The following GNA12 variants were observed in gnomAD, a reference collection of about 807,000 sequenced individuals.
The protein encoded by GNA12 is G protein subunit alpha 12.
In GNA12, 9 loss-of-function variants were observed where a neutral mutation model predicts 26.0. The ratio of observed to expected loss-of-function variants is 0.35; its 90% confidence interval spans 0.21 to 0.60. The LOEUF is 0.60. GNA12 is among the 20% of genes least tolerant of loss of function. The pLI is 0.78. For missense variants in GNA12, 405 were observed against 525.8 expected (o/e 0.77, Z 2.25); for synonymous variants, 264 against 219.6 (o/e 1.20, Z -1.79).
chr7:2,821,022 G>A (rs1029691157), intron 1 of GNA12, among the ~76,000 whole-genome samples: 12 of 152,208 alleles, frequency 7.9e-5, no homozygotes. Context: ...TTACAGGCGT[G>A]AGCCACCGCG....
intron 1 of GNA12, among the ~76,000 whole-genome samples, chr7:2,798,708 A>C (rs1055059614): frequency 3.3e-5 from 5 of 152,252 alleles, no homozygotes; most frequent in African/African-American, 1.2e-4. Context: ...CAACTTTGAA[A>C]AAGAAAAGTG....
intron 1 of GNA12, among the ~76,000 whole-genome samples, chr7:2,822,591 G>A (rs887932815): frequency 1.3e-5 from 2 of 152,218 alleles, no homozygotes; most frequent in African/African-American, 4.8e-5. Flanking sequence ...GCCCAGGGCA[G>A]GAGGACTGCT....
At chr7:2,769,562 C>G (rs1404425346) in intron 2 of GNA12, among the ~76,000 whole-genome samples, 1 of 151,926 alleles carries the variant, frequency 6.6e-6, no homozygotes, top group African/African-American at 2.4e-5. Flanking sequence ...AACCCCGTCT[C>G]TATTAAAAAA....
At position 2,733,585 on chromosome 7, in the gene GNA12, G is replaced by A. The variant is rs973717526; in HGVS notation, c.526-84C>T. 29 of 1,060,402 alleles carry A rather than the reference G, an allele frequency of 2.7e-5. No individual in the cohort carries two copies. In the East Asian group the frequency reaches 3.5e-4, roughly 13 times the overall value. The allele number at this position is 1,060,402 out of a possible 1,614,324, so 65.7% of individuals were successfully genotyped here. A position where few individuals can be genotyped will look rare whatever the true frequency, so the allele number is the denominator to read the frequency against. ...AATACAAGAACTGAACAGGGTAAGA[G>A]CAGTGGCATTTCGCCTCCGTGTGAA... On this transcript the variant is annotated intron_variant, in intron 2 of 3. Transcript: ENST00000275364.
intron 1 of GNA12, among the ~76,000 whole-genome samples, chr7:2,839,776 G>A (rs1778937358): frequency 6.6e-6 from 1 of 152,164 alleles, no homozygotes; most frequent in African/African-American, 2.4e-5. Context: ...CGAGGCGGGT[G>A]GATCACGAGG....
rs551131535 is a variant in GNA12 at position 2,733,438 on chromosome 7, C to A, written c.576+13G>T. 6.2e-7 allele frequency: 1 copy of A among 1,612,000 alleles called. No individual in the cohort carries two copies. Among genetic ancestry groups the A allele is most frequent in the Admixed American group, 1.7e-5 (1 of 59,954 alleles). On this transcript the variant is annotated intron_variant, in intron 3 of 3. Transcript: ENST00000275364. Reference sequence around the variant, plus strand: ...CTGGAGCCCAGCTTCTTCGGGCGGGCGTGCTTACTCACCAGCTGGCCGATC... The same window carrying A: ...CTGGAGCCCAGCTTCTTCGGGCGGGAGTGCTTACTCACCAGCTGGCCGATC...
intron 1 of GNA12, among the ~76,000 whole-genome samples, chr7:2,807,377 G>C (rs905118796): frequency 1.3e-5 from 2 of 152,062 alleles, no homozygotes; most frequent in African/African-American, 2.4e-5. Flanking sequence ...CTAGTCTCTT[G>C]TTTCCAGTAA....
intron 2 of GNA12, among the ~76,000 whole-genome samples, chr7:2,767,849 C>G (rs1791845208): frequency 6.6e-6 from 1 of 152,036 alleles, no homozygotes; most frequent in Non-Finnish European, 1.5e-5. Flanking sequence ...CTAATGGAGA[C>G]TATATTTTAT....
intron 1 of GNA12, among the ~76,000 whole-genome samples, chr7:2,841,826 C>CT (rs1778996467): frequency 6.6e-6 from 1 of 152,122 alleles, no homozygotes; most frequent in Non-Finnish European, 1.5e-5. Context: ...TTCTACGGGG[C>CT]TTTGCTAAAT....
chr7:2,827,923 A>ATT (rs3837080), intron 1 of GNA12, among the ~76,000 whole-genome samples: 4 of 151,902 alleles, frequency 2.6e-5, no homozygotes, highest in African/African-American at 7.3e-5. Flanking sequence ...TTTATTTAAA[A>ATT]TTTTTTTTAA....
chr7:2,839,318 T>C (rs533509295), intron 1 of GNA12, among the ~76,000 whole-genome samples: 1 of 152,146 alleles, frequency 6.6e-6, no homozygotes, highest in South Asian at 2.1e-4. Context: ...ACTGCAACCT[T>C]TGCCTCCCAG....
intron 1 of GNA12, among the ~76,000 whole-genome samples, chr7:2,843,092 G>C (rs1004945351): frequency 1.3e-5 from 2 of 152,202 alleles, no homozygotes; most frequent in South Asian, 2.1e-4. Flanking sequence ...GGGCAAGAGA[G>C]TGAGAGCCTT....
At chr7:2,739,886 T>G (rs564129909) in intron 2 of GNA12, among the ~76,000 whole-genome samples, 1 of 152,296 alleles carries the variant, frequency 6.6e-6, no homozygotes, top group East Asian at 1.9e-4. Context: ...TTGGCCAGGC[T>G]GGTCTCGAAC....
chr7:2,767,211 T>C (rs1244784130), intron 2 of GNA12, among the ~76,000 whole-genome samples: 1 of 152,244 alleles, frequency 6.6e-6, no homozygotes, highest in African/African-American at 2.4e-5. Context: ...GTTGATTGTG[T>C]CCCTGTACCC....
intron 2 of GNA12, among the ~76,000 whole-genome samples, chr7:2,755,321 T>A (rs1300683560): frequency 1.3e-5 from 2 of 152,264 alleles, no homozygotes; most frequent in Non-Finnish European, 2.9e-5. Context: ...ACAGGAATTG[T>A]GTCAAATCTG....
intron 2 of GNA12, among the ~76,000 whole-genome samples, chr7:2,779,085 G>A (rs933660569): frequency 3.9e-5 from 6 of 152,204 alleles, no homozygotes; most frequent in Non-Finnish European, 2.9e-5. Context: ...GAGGCTGGGC[G>A]TGGTGGCTCC....
intron 1 of GNA12, among the ~76,000 whole-genome samples, chr7:2,805,022 G>A (rs150240049): frequency 2.0e-4 from 31 of 152,328 alleles, no homozygotes; most frequent in Middle Eastern, 3.4e-3. Context: ...CCCAGGCAGT[G>A]TTCTTTAGAA....
intron 1 of GNA12, among the ~76,000 whole-genome samples, chr7:2,830,475 G>A (rs1793578614): frequency 6.6e-6 from 1 of 152,222 alleles, no homozygotes; most frequent in South Asian, 2.1e-4. Context: ...CTGGCAGGAG[G>A]AAGGCATGTC....
chr7:2,739,251 G>A (rs988946500), intron 2 of GNA12, among the ~76,000 whole-genome samples: 7 of 152,076 alleles, frequency 4.6e-5, no homozygotes, highest in Admixed American at 6.5e-5. Flanking sequence ...AATGTTGTAC[G>A]GCCACCACTT....
Sources: gnomAD v4.1 joint callset for allele counts (sites outside exome capture counted in the v4.1 genomes callset) on GRCh38, gnomAD v4.1.1 for gene constraint, MANE v1.5 for transcripts, NCBI Gene and HGNC (gene_info 2026-07-23, HGNC 2026-07-21) for gene names.